Variants in RCOR1 observed in about 807,000 individuals in gnomAD.
RCOR1 encodes REST corepressor 1, also known as REST corepressor.
Under a neutral mutation model 64.0 loss-of-function variants are expected in RCOR1, and 12 were observed. The observed-to-expected ratio is 0.19, with a 90% CI of 0.12 to 0.30. The LOEUF is 0.30. Ranked by LOEUF, RCOR1 falls within the 10% of genes least tolerant of loss-of-function variation. RCOR1 has a pLI of 1.00. For missense variants in RCOR1, 502 were observed against 621.2 expected (o/e 0.81, Z 2.04); for synonymous variants, 279 against 227.2 (o/e 1.23, Z -2.05).
At chr14:102,624,520 C>A (rs913310320) in intron 2 of RCOR1, among the ~76,000 whole-genome samples, 1 of 151,754 alleles carries the variant, frequency 6.6e-6, no homozygotes, top group South Asian at 2.1e-4. Context: ...AAAATTCACA[C>A]CTAGGACATC....
Position 102,681,883 on chromosome 14 carries a change from C to T in RCOR1, c.362-12C>T. The stretch of plus-strand genomic sequence containing the variant: ...AATTTTAATAAGAATTTTCTTTTTT[C>T]TTTCTCCCAAGCCAAACTGGCAAGA... On this transcript the variant is annotated splice_polypyrimidine_tract_variant and intron_variant, in intron 2 of 11. Transcript: ENST00000262241. 6.2e-7 allele frequency: 1 copy of T among 1,604,662 alleles called. No individual in the cohort carries two copies. Among genetic ancestry groups the T allele is most frequent in the Non-Finnish European group, 8.5e-7 (1 of 1,173,118 alleles).
chr14:102,669,847 A>C (rs1894996119), intron 2 of RCOR1, among the ~76,000 whole-genome samples: 1 of 152,226 alleles, frequency 6.6e-6, no homozygotes, highest in Non-Finnish European at 1.5e-5. Context: ...TTTTGGAGTC[A>C]TAAAACGTTT....
In RCOR1 at chr14:102,721,099, A is replaced by T; in HGVS notation, c.1131+15A>T. The T allele has an allele frequency of 6.8e-7, 1 of 1,471,030 alleles. No individual in the cohort carries two copies. Among genetic ancestry groups the T allele is most frequent in the Non-Finnish European group, 9.3e-7 (1 of 1,070,116 alleles). 91.1% of individuals were successfully genotyped at this position (1,471,030 alleles called of 1,614,324 possible). ...GACTTCCAGAGGTAGGATTATGTTAACATCATCTTAGAAGTCATATTCAAG... is the reference window on the plus strand; with the variant it reads ...GACTTCCAGAGGTAGGATTATGTTATCATCATCTTAGAAGTCATATTCAAG... On this transcript the variant is annotated intron_variant, in intron 9 of 11. Transcript: ENST00000262241.
intron 8 of RCOR1, among the ~76,000 whole-genome samples, chr14:102,715,489 C>G (rs1218603514): frequency 6.6e-6 from 1 of 150,452 alleles, no homozygotes. Flanking sequence ...TCAAATGATC[C>G]TCCCATCTCA....
At chr14:102,688,054 C>T (rs1032136550) in intron 3 of RCOR1, among the ~76,000 whole-genome samples, 4 of 151,450 alleles carry the variant, frequency 2.6e-5, no homozygotes, top group African/African-American at 9.7e-5. Context: ...GCAACCTCTG[C>T]CTCCTGGGTT....
chr14:102,631,369 ATT>A (rs34740338), intron 2 of RCOR1, among the ~76,000 whole-genome samples: 1 of 143,960 alleles, frequency 6.9e-6, no homozygotes. Context: ...TGCCCAGCTA[ATT>A]TTTTTTTTTT....
rs1270686353 is a variant in RCOR1, at chr14:102,592,663, G to A, written c.-224G>A. The A allele has an allele frequency of 1.6e-6, 2 of 1,227,622 alleles. No individual in the cohort carries two copies. Among genetic ancestry groups the A allele is most frequent in the Non-Finnish European group, 2.0e-6 (2 of 985,426 alleles). The allele number at this position is 1,227,622 out of a possible 1,614,324, so 76.0% of individuals were successfully genotyped here. The stretch of plus-strand genomic sequence containing the variant: ...CCGGAGTAGTTGGTGCCAGTGAAGT[G>A]AGGGCGGCGATGAGAGCGAAAGTTG... On this transcript the variant is annotated 5_prime_UTR_variant, in exon 1 of 12. Coordinates refer to ENST00000262241, the MANE Select transcript of RCOR1 (RefSeq NM_015156.4).
intron 2 of RCOR1, among the ~76,000 whole-genome samples, chr14:102,599,222 C>A (rs1055949068): frequency 2.0e-5 from 3 of 151,928 alleles, no homozygotes; most frequent in Non-Finnish European, 2.9e-5. Context: ...CTCCTGGGCG[C>A]ACACTATCCT....
At chr14:102,662,804 A>C (rs1332140263) in intron 2 of RCOR1, 3 of 181,120 alleles carry the variant, frequency 1.7e-5, no homozygotes, top group African/African-American at 7.1e-5. Flanking sequence ...AGTTCTTTCC[A>C]ATTTATTGCT....
chr14:102,688,510 G>A, intron 3 of RCOR1, among the ~76,000 whole-genome samples: 1 of 152,142 alleles, frequency 6.6e-6, no homozygotes, highest in Non-Finnish European at 1.5e-5. Context: ...GTTTATTGGT[G>A]GTAGTAAGGT....
chr14:102,712,947 G>GTTTTTTTTTTTTT (rs67246962), intron 7 of RCOR1, among the ~76,000 whole-genome samples: 1 of 77,688 alleles, frequency 1.3e-5, no homozygotes, highest in African/African-American at 4.9e-5. Flanking sequence ...CTAAATCATT[G>GTTTTTTTTTTTTT]TTTTTTTTTT....
chr14:102,638,575 A>T (rs576573517), intron 2 of RCOR1, among the ~76,000 whole-genome samples: 7 of 152,042 alleles, frequency 4.6e-5, no homozygotes, highest in African/African-American at 1.7e-4. Context: ...CGAACTCCTG[A>T]CTTCAAGTGA....
At chr14:102,658,519 G>T (rs981210517) in intron 2 of RCOR1, 1 of 984,958 alleles carries the variant, frequency 1.0e-6, no homozygotes, top group Non-Finnish European at 1.2e-6. Context: ...TTACTTTTAT[G>T]ACTTGAATTA....
chr14:102,620,427 C>T (rs1409646239), intron 2 of RCOR1, among the ~76,000 whole-genome samples: 5 of 152,092 alleles, frequency 3.3e-5, no homozygotes, highest in South Asian at 4.1e-4. Context: ...ACTATCTGGG[C>T]GTGGTTGCAC....
intron 2 of RCOR1, among the ~76,000 whole-genome samples, chr14:102,648,626 T>C (rs1894521876): frequency 6.6e-6 from 1 of 152,228 alleles, no homozygotes; most frequent in Admixed American, 6.5e-5. Context: ...ATTAGACATA[T>C]TTATTGTCTA....
chr14:102,628,084 C>T (rs770918973), intron 2 of RCOR1, among the ~76,000 whole-genome samples: 51 of 152,028 alleles, frequency 3.4e-4, no homozygotes, highest in Non-Finnish European at 2.9e-4. Flanking sequence ...AGTTCAAGTC[C>T]GAAGGCACGA....
At position 102,598,872 on chromosome 14, in the gene RCOR1, T is replaced by TA. The variant is rs879879484; in HGVS notation, c.361+5558dup. On this transcript the variant is annotated intron_variant, in intron 2 of 11. Coordinates refer to ENST00000262241, the MANE Select transcript of RCOR1 (RefSeq NM_015156.4). ...AAAGTTTTACCAACTTTTAAAGAGT[T>TA]AAAAAAAAAAAGAGTTAAAAACCTA... Among the ~76,000 whole-genome samples the TA allele has an allele frequency of 4.4e-3, 649 of 146,650 alleles. 3 individuals carry two copies. The highest frequency in any genetic ancestry group is 0.013 in the African/African-American group (536 of 40,288).
In RCOR1 at chr14:102,653,954, TCTTTCTTTCTTTCTTTCTTTCTTTCTTTC is replaced by T. The variant is rs1567423312; in HGVS notation, c.362-27940_362-27912del. 8.6e-3 allele frequency among the ~76,000 whole-genome samples: 454 copies of T among 52,866 alleles called. 50 individuals carry two copies. Among genetic ancestry groups the T allele is most frequent in the African/African-American group, 0.05 (381 of 7,634 alleles). The allele number at this position is 52,866 out of a possible 152,430, so 34.7% of individuals were successfully genotyped here. ...TTCTTTCTTTCTTTCTTTCTTTCTT[TCTTTCTTTCTTTCTTTCTTTCTTTCTTTC>T]TTTTTTTTTTTTTTTTTTTTGAGAC... On this transcript the variant is annotated intron_variant, in intron 2 of 11. Transcript: ENST00000262241.
At chr14:102,706,114 C>CAAAAAAAAAAAAAAAAAAAAAAA (rs71119732) in intron 4 of RCOR1, among the ~76,000 whole-genome samples, 3 of 21,334 alleles carry the variant, frequency 1.4e-4, no homozygotes, top group African/African-American at 2.5e-4. Context: ...AACCCTGTCT[C>CAAAAAAAAAAAAAAAAAAAAAAA]AAAAAAAAAA....
Sources: gnomAD v4.1 joint callset for allele counts (sites outside exome capture counted in the v4.1 genomes callset) on GRCh38, gnomAD v4.1.1 for gene constraint, MANE v1.5 for transcripts, NCBI Gene and HGNC (gene_info 2026-07-23, HGNC 2026-07-21) for gene names.